The following SERPINE3 variants were observed in gnomAD, a reference collection of about 807,000 sequenced individuals.
SERPINE3 encodes the protein serpin E3.
Under a neutral mutation model 41.7 loss-of-function variants are expected in SERPINE3, and 43 were observed. The observed-to-expected ratio is 1.03, with a 90% CI of 0.81 to 1.33. SERPINE3 has a LOEUF of 1.33. SERPINE3 is among the 40% of genes most tolerant of loss of function. The pLI, the probability that SERPINE3 is intolerant of heterozygous loss-of-function variation, is 0.00. For missense variants in SERPINE3, 440 were observed against 491.7 expected, an observed-to-expected ratio of 0.89 and a Z score of 0.99; for synonymous variants, 200 against 192.2, an observed-to-expected ratio of 1.04 and a Z score of -0.34.
At chr13:51,357,138 A>G (rs1402037549) in intron 7 of SERPINE3, among the ~76,000 whole-genome samples, 1 of 152,200 alleles carries the variant, frequency 6.6e-6, no homozygotes, top group Non-Finnish European at 1.5e-5. Flanking sequence ...TGGCTAAAAT[A>G]TTTAATATCC....
chr13:51,345,813 A>G (rs1593637576), intron 4 of SERPINE3, among the ~76,000 whole-genome samples: 2 of 152,242 alleles, frequency 1.3e-5, no homozygotes, highest in Non-Finnish European at 2.9e-5. Context: ...GCCAGGGCGT[A>G]AGGCCAGAGA....
chr13:51,344,339 T>C lies in SERPINE3; in HGVS notation c.344T>C (p.Leu115Pro). 1 of 1,613,526 alleles carries C rather than the reference T, an allele frequency of 6.2e-7. No individual in the cohort carries two copies. Among genetic ancestry groups the C allele is most frequent in the East Asian group, 2.2e-5 (1 of 44,856 alleles). Residue 115 changes from leucine to proline, a missense_variant, in exon 4 of 10, where the codon CTT becomes CCT. By Grantham distance (98) the Leu-to-Pro change is moderately conservative. Transcript: ENST00000681248. ...ACCGAGATGGAGCTGGCCTGCAGCC[T>C]TTTTGTGCAAGTGGGAACGCCACTG... ...QGTEMELACS[L>P]FVQVGTPLSP...
chr13:51,357,802 T>C (rs1348964988), intron 7 of SERPINE3, among the ~76,000 whole-genome samples: 2 of 152,238 alleles, frequency 1.3e-5, no homozygotes, highest in African/African-American at 2.4e-5. Context: ...GGCTTTGATA[T>C]AGACCCATGC....
chr13:51,360,765 C>G (rs1183710967), intron 7 of SERPINE3, among the ~76,000 whole-genome samples: 3 of 151,982 alleles, frequency 2.0e-5, no homozygotes, highest in Admixed American at 2.0e-4. Flanking sequence ...CTCAATAAAG[C>G]CTGTAATAAA....
chr13:51,352,863 G>A (rs1955420574), intron 6 of SERPINE3, among the ~76,000 whole-genome samples: 1 of 152,126 alleles, frequency 6.6e-6, no homozygotes, highest in Admixed American at 6.5e-5. Context: ...AGATGGTGAT[G>A]TGGCCTTTGT....
At position 51,364,241 on chromosome 13, in the gene SERPINE3, T is replaced by C. The variant is rs1187095045; in HGVS notation, c.1174T>C (p.Phe392Leu). The change falls in exon 10 of 10, where the codon TTT becomes CTT. Residue 392 changes from phenylalanine to leucine, a missense_variant and splice_region_variant. Transcript: ENST00000681248. Reference sequence around the variant, plus strand: ...TAAATTCTTCTTTTTCTTGACAGGGTTTGTCTTCAGTATTGGGAGAGTTTC... The same window carrying C: ...TAAATTCTTCTTTTTCTTGACAGGGCTTGTCTTCAGTATTGGGAGAGTTTC... ...IYFLREPNTGFVFSIGRVSNP... is the reference protein window; with the variant it reads ...IYFLREPNTGLVFSIGRVSNP... The C allele has an allele frequency of 2.8e-6, 4 of 1,442,652 alleles. No individual in the cohort carries two copies. Among genetic ancestry groups the C allele is most frequent in the Non-Finnish European group, 3.7e-6 (4 of 1,072,842 alleles). The allele number at this position is 1,442,652 out of a possible 1,614,324, so 89.4% of individuals were successfully genotyped here. A position where few individuals can be genotyped will look rare whatever the true frequency, so the allele number is the denominator to read the frequency against.
chr13:51,344,937 A>G (rs1955331186), intron 4 of SERPINE3, among the ~76,000 whole-genome samples: 1 of 152,196 alleles, frequency 6.6e-6, no homozygotes, highest in South Asian at 2.1e-4. Context: ...GTTACACACA[A>G]TAAGATGTTT....
chr13:51,344,202 T>A, intron 3 of SERPINE3, 50 bp from the exon 4 acceptor site: 1 of 1,378,538 alleles, frequency 7.3e-7, no homozygotes, highest in Non-Finnish European at 1.0e-6. Context: ...TTGTGCTAAC[T>A]CCTTACTCAC....
rs201708390 is a variant in SERPINE3, at chr13:51,350,713, G to A, written c.899+2302G>A. On this transcript the variant is annotated intron_variant, in intron 6 of 9. Coordinates refer to ENST00000681248, the MANE Select transcript of SERPINE3 (RefSeq NM_001386375.1). ...CAGAGGTTTTCAGTATGTTCACAAA[G>A]TTGTGCAACCATCACTACTAATTCC... Among the ~76,000 whole-genome samples, 43 of 152,164 alleles carry A rather than the reference G, an allele frequency of 2.8e-4. No individual in the cohort carries two copies. In the East Asian group the frequency reaches 8.3e-3, roughly 29 times the overall value.
In SERPINE3 at chr13:51,344,461, G is replaced by T. The variant is rs371975326; in HGVS notation, c.466G>T (p.Glu156Ter). Residue 156 changes from glutamate (E) to a stop codon, truncating the protein, a stop_gained, in exon 4 of 10, where the codon GAA becomes TAA. Coordinates refer to ENST00000681248, the MANE Select transcript of SERPINE3 (RefSeq NM_001386375.1). LOFTEE classifies it high-confidence loss of function. ...CAATAGCACCGCCATCCAGACTAGC[G>T]AAGGGGCCTCCAGAGAGACTGCAGG... ...EPNSTAIQTS[E>*]GASRETAGGG... is the part of the protein sequence containing the mutation. 1 of 1,596,062 alleles carries T rather than the reference G, an allele frequency of 6.3e-7. No homozygotes were observed.
At position 51,340,806 on chromosome 13, in the gene SERPINE3, C is replaced by T. The variant is rs190276138; in HGVS notation, c.-73C>T. The T allele has an allele frequency of 1.9e-6, 1 of 514,256 alleles. No homozygotes were observed. The highest frequency in any genetic ancestry group is 3.5e-6 in the Non-Finnish European group (1 of 285,038). 31.9% of individuals were successfully genotyped at this position (514,256 alleles called of 1,614,324 possible). A position where few individuals can be genotyped will look rare whatever the true frequency, so the allele number is the denominator to read the frequency against. On this transcript the variant is annotated 5_prime_UTR_variant, in exon 2 of 10. Transcript: ENST00000681248. ...CAGGGCTTTGCTAAAGTCACACATC[C>T]AGTAAGTGGCCGAAGCAGATCTTCA...
chr13:51,361,491 T>A (rs981558958), intron 8 of SERPINE3, 127 bp downstream of exon 8: 7 of 680,020 alleles, frequency 1.0e-5, no homozygotes, highest in Non-Finnish European at 1.5e-5. Context: ...TAGTATTTTT[T>A]AAAAAGGAAC....
intron 4 of SERPINE3, 50 bp downstream of exon 4, chr13:51,344,535 GAC>G: frequency 2.1e-6 from 3 of 1,422,634 alleles, no homozygotes; most frequent in South Asian, 2.5e-5. Context: ...GGGCTGCAGA[GAC>G]AGAGTCTCAC....
rs368399280 is a variant in SERPINE3 at position 51,343,420 on chromosome 13, G to A, written c.257-832G>A. ...CGTTCCAGCTATGGGATGCCTGGGGGAGGACAGAAGCTGCAGCTTGTGAAT... is the reference window on the plus strand; with the variant it reads ...CGTTCCAGCTATGGGATGCCTGGGGAAGGACAGAAGCTGCAGCTTGTGAAT... On this transcript the variant is annotated intron_variant, in intron 3 of 9. Transcript: ENST00000681248. Among the ~76,000 whole-genome samples the A allele has an allele frequency of 4.6e-5, 7 of 152,304 alleles. No individual in the cohort carries two copies. The East Asian group carries it at 1.2e-3, about 25-fold the overall frequency.
At chr13:51,352,331 T>C (rs1462350044) in intron 6 of SERPINE3, among the ~76,000 whole-genome samples, 1 of 152,146 alleles carries the variant, frequency 6.6e-6, no homozygotes, top group East Asian at 1.9e-4. Context: ...ACTTCTTTCA[T>C]TAAATTTATT....
intron 8 of SERPINE3, 108 bp from the exon 9 acceptor site, chr13:51,361,702 C>T: frequency 3.1e-6 from 3 of 953,552 alleles, no homozygotes; most frequent in East Asian, 2.6e-5. Flanking sequence ...CAATCAAATG[C>T]CATTAGGATG....
chr13:51,357,117 A>G (rs550248058), intron 7 of SERPINE3, among the ~76,000 whole-genome samples: 1 of 152,306 alleles, frequency 6.6e-6, no homozygotes, highest in East Asian at 1.9e-4. Context: ...CAGACACCAT[A>G]TGGCTTGCAG....
intron 6 of SERPINE3, chr13:51,353,945 T>C (rs1378957970): frequency 3.3e-5 from 5 of 152,180 alleles, no homozygotes; most frequent in Non-Finnish European, 7.4e-5. Flanking sequence ...AATTTTTAAA[T>C]GCCTTGTCCC....
intron 1 of SERPINE3, among the ~76,000 whole-genome samples, chr13:51,340,376 C>T (rs1955277811): frequency 6.6e-6 from 1 of 152,068 alleles, no homozygotes; most frequent in Non-Finnish European, 1.5e-5. Flanking sequence ...TGAAAATATT[C>T]TTTTTTAGAG....
Sources: gnomAD v4.1 joint callset for allele counts (sites outside exome capture counted in the v4.1 genomes callset) on GRCh38, gnomAD v4.1.1 for gene constraint, MANE v1.5 for transcripts, NCBI Gene and HGNC (gene_info 2026-07-23, HGNC 2026-07-21) for gene names.